BAALC: variants seen among roughly 807,000 people sequenced by gnomAD.
BAALC encodes the protein brain and acute leukemia cytoplasmic protein.
Under a neutral mutation model 15.5 loss-of-function variants are expected in BAALC, and 9 were observed. The observed-to-expected ratio is 0.58, with a 90% CI of 0.35 to 1.02. The LOEUF is 1.02. BAALC is among the 50% of genes least tolerant of loss of function. The pLI is 0.02. For synonymous variants in BAALC, 80 were observed against 74.6 expected (o/e 1.07, Z -0.37); for missense variants, 201 against 192.4 (o/e 1.04, Z -0.27).
At chr8:103,168,237 T>C (rs7843029) in intron 1 of BAALC, among the ~76,000 whole-genome samples, 8,800 of 152,276 alleles carry the variant, frequency 0.058, 457 homozygotes, top group African/African-American at 0.14. Context: ...AAGCTCGTTC[T>C]CTTGTTTCAT....
intron 1 of BAALC, among the ~76,000 whole-genome samples, chr8:103,203,192 G>A (rs1486830553): frequency 3.9e-5 from 6 of 152,158 alleles, no homozygotes; most frequent in Admixed American, 1.3e-4. Flanking sequence ...TATGGCCAAC[G>A]GCAGATGTTA....
intron 1 of BAALC, among the ~76,000 whole-genome samples, chr8:103,145,491 T>C (rs541962622): frequency 2.3e-4 from 35 of 152,364 alleles, no homozygotes; most frequent in Non-Finnish European, 4.3e-4. Context: ...AAGGGACCTA[T>C]GGCTAACTCC....
intron 2 of BAALC, among the ~76,000 whole-genome samples, chr8:103,227,359 A>G (rs1263904506): frequency 6.6e-6 from 1 of 152,234 alleles, no homozygotes; most frequent in African/African-American, 2.4e-5. Context: ...TCCTAAACAG[A>G]TAACTGCAAA....
intron 1 of BAALC, among the ~76,000 whole-genome samples, chr8:103,190,472 T>C (rs1228308486): frequency 1.3e-5 from 2 of 152,180 alleles, no homozygotes; most frequent in African/African-American, 4.8e-5. Context: ...CTCCTCCATG[T>C]CTTTGAACTT....
chr8:103,204,907 C>A (rs1417526153), intron 1 of BAALC, among the ~76,000 whole-genome samples: 1 of 152,198 alleles, frequency 6.6e-6, no homozygotes, highest in Non-Finnish European at 1.5e-5. Context: ...GCTGAGCAAT[C>A]ACAGCTTGTT....
intron 1 of BAALC, among the ~76,000 whole-genome samples, chr8:103,194,541 A>G (rs1218900236): frequency 6.6e-6 from 1 of 152,238 alleles, no homozygotes; most frequent in Non-Finnish European, 1.5e-5. Context: ...CCTGGAGGTA[A>G]CTAAAATTTA....
At chr8:103,215,562 G>T (rs980156267) in intron 2 of BAALC, among the ~76,000 whole-genome samples, 3 of 152,120 alleles carry the variant, frequency 2.0e-5, no homozygotes, top group African/African-American at 4.8e-5. Flanking sequence ...TTCCAGGGCT[G>T]GCTCAGTCTG....
chr8:103,159,156 AGG>A (rs1364700734), intron 1 of BAALC, among the ~76,000 whole-genome samples: 5 of 152,196 alleles, frequency 3.3e-5, no homozygotes, highest in Non-Finnish European at 7.4e-5. Context: ...GAAACTTCAT[AGG>A]TGATGAGGTA....
chr8:103,212,364 C>T (rs1812466973), intron 1 of BAALC, among the ~76,000 whole-genome samples: 1 of 152,116 alleles, frequency 6.6e-6, no homozygotes, highest in Non-Finnish European at 1.5e-5. Flanking sequence ...GAGAGGATCG[C>T]TTGAGCCCAA....
Position 103,140,757 on chromosome 8 carries a change from G to C in BAALC, c.-141G>C. 1.4e-6 allele frequency: 1 copy of C among 692,184 alleles called. No individual in the cohort carries two copies. Among genetic ancestry groups the C allele is most frequent in the Non-Finnish European group, 1.9e-6 (1 of 523,158 alleles). 42.9% of individuals were successfully genotyped at this position (692,184 alleles called of 1,614,324 possible). On this transcript the variant is annotated 5_prime_UTR_variant, in exon 1 of 3. Transcript: ENST00000309982. The surrounding 1 kb of genome is among the most constrained non-coding windows in gnomAD (Gnocchi z 4.2). The stretch of plus-strand genomic sequence containing the variant: ...GGGCGGCGGGCACCGCAGGAGCTCC[G>C]CGCGGCTGCAGCGCGGGCGGGAGCG...
chr8:103,178,342 C>T (rs1241836542), intron 1 of BAALC, among the ~76,000 whole-genome samples: 1 of 152,102 alleles, frequency 6.6e-6, no homozygotes, highest in Non-Finnish European at 1.5e-5. Context: ...TAAAAGTGCA[C>T]ATGTAATAAA....
chr8:103,148,409 G>A (rs533703527), intron 1 of BAALC, among the ~76,000 whole-genome samples: 9 of 152,308 alleles, frequency 5.9e-5, no homozygotes, highest in Non-Finnish European at 1.0e-4. Flanking sequence ...TGGGTACATA[G>A]TAGGTGTATG....
intron 1 of BAALC, chr8:103,154,721 G>A (rs1431087059): frequency 6.5e-6 from 1 of 154,326 alleles, no homozygotes; most frequent in African/African-American, 2.4e-5. Flanking sequence ...TTCTGCTTCA[G>A]TTATGTGTTC....
At chr8:103,154,791 G>A (rs909678986) in intron 1 of BAALC, 2 of 154,350 alleles carry the variant, frequency 1.3e-5, no homozygotes, top group African/African-American at 4.8e-5. Context: ...ATTTATGATT[G>A]TGACTTATCT....
Position 103,183,377 on chromosome 8 carries a change from T to A in BAALC, c.161-29542T>A, listed in dbSNP as rs576953502. 8.0e-5 allele frequency: 56 copies of A among 702,994 alleles called. No individual in the cohort carries two copies. In the South Asian group the frequency reaches 8.1e-4, roughly 10 times the overall value. The allele number at this position is 702,994 out of a possible 1,614,324, so 43.5% of individuals were successfully genotyped here. On this transcript the variant is annotated intron_variant, in intron 1 of 2. Transcript: ENST00000309982. ...GGTTTTGCCCATTAGCCCATTACCC[T>A]CTTGCCTTTGCACTTGCCTGGAGAG...
intron 1 of BAALC, among the ~76,000 whole-genome samples, chr8:103,163,776 C>A (rs549572868): frequency 1.3e-5 from 2 of 152,128 alleles, no homozygotes; most frequent in Non-Finnish European, 2.9e-5. Context: ...CCCTATTGCT[C>A]CATGTGTGTC....
At chr8:103,224,851 G>A (rs898759698) in intron 2 of BAALC, among the ~76,000 whole-genome samples, 3 of 152,024 alleles carry the variant, frequency 2.0e-5, no homozygotes, top group African/African-American at 2.4e-5. Flanking sequence ...AGTAAGTCAC[G>A]ATATACAGGG....
intron 1 of BAALC, among the ~76,000 whole-genome samples, chr8:103,196,838 C>T (rs577829400): frequency 4.3e-4 from 65 of 152,290 alleles, no homozygotes; most frequent in African/African-American, 1.5e-3. Flanking sequence ...AAATGAGCCT[C>T]GTGGTGGCTT....
chr8:103,175,143 GCCT>G lies in BAALC; in HGVS notation c.160+34091_160+34093del, dbSNP rs908415355. Among the ~76,000 whole-genome samples the G allele has an allele frequency of 7.9e-5, 12 of 152,200 alleles. No homozygotes were observed. In the East Asian group the frequency reaches 1.9e-3, roughly 25 times the overall value. ...GAAAGCCCAGAGAACTTTTTCTCAG[GCCT>G]CCTCATTTTGACTCAGCTCTGTCTT... is the stretch of plus-strand genomic sequence containing the variant. On this transcript the variant is annotated intron_variant, in intron 1 of 2. Transcript: ENST00000309982.
Sources: allele counts gnomAD v4.1 joint callset (sites outside exome capture counted in the v4.1 genomes callset), GRCh38; gene constraint gnomAD v4.1.1; non-coding constraint Gnocchi (gnomAD v3.1); transcripts MANE v1.5; gene names NCBI Gene and HGNC (gene_info 2026-07-23, HGNC 2026-07-21).